FOXP1: variants seen among roughly 807,000 people sequenced by gnomAD.
The protein encoded by FOXP1 is forkhead box protein P1.
FOXP1 carries 15 observed loss-of-function variants against 98.2 expected under a neutral mutation model. The ratio of observed to expected loss-of-function variants is 0.15; its 90% CI spans 0.10 to 0.24. The LOEUF is 0.24. Among genes scored for constraint, FOXP1 ranks in the 10% least tolerant of loss-of-function variants. The pLI is 1.00. For missense variants in FOXP1, 633 were observed against 848.5 expected (o/e 0.75, Z 3.15); for synonymous variants, 371 against 314.5 (o/e 1.18, Z -1.90).
chr3:71,391,030 C>G (rs1326559990), intron 3 of FOXP1, among the ~76,000 whole-genome samples: 1 of 152,204 alleles, frequency 6.6e-6, no homozygotes, highest in Non-Finnish European at 1.5e-5. Flanking sequence ...CGCTGAACAT[C>G]ATTACTTCAA....
chr3:71,192,149 T>A (rs988037262), intron 6 of FOXP1, among the ~76,000 whole-genome samples: 5 of 152,096 alleles, frequency 3.3e-5, no homozygotes, highest in African/African-American at 1.2e-4. Context: ...CAAGAGACCC[T>A]CCTTTCAGAC....
At chr3:71,527,132 A>G (rs545804648) in intron 2 of FOXP1, among the ~76,000 whole-genome samples, 5 of 152,276 alleles carry the variant, frequency 3.3e-5, no homozygotes, top group African/African-American at 7.2e-5. Flanking sequence ...CAGGCAAGGT[A>G]TCAGCTCCTA....
chr3:70,975,913 A>T (rs1475670089), intron 17 of FOXP1, among the ~76,000 whole-genome samples: 1 of 152,114 alleles, frequency 6.6e-6, no homozygotes, highest in East Asian at 1.9e-4. Flanking sequence ...GCCATATATG[A>T]CCCCAAGCAC....
intron 3 of FOXP1, among the ~76,000 whole-genome samples, chr3:71,382,100 T>C (rs1294403067): frequency 6.6e-6 from 1 of 152,098 alleles, no homozygotes. Flanking sequence ...GGCGAGACCC[T>C]GTCTCTACAA....
chr3:71,146,279 T>C (rs1246491975), intron 6 of FOXP1, among the ~76,000 whole-genome samples: 1 of 152,196 alleles, frequency 6.6e-6, no homozygotes, highest in Non-Finnish European at 1.5e-5. Context: ...TGGCTATTTG[T>C]ATGGCAAGAT....
At chr3:71,558,463 C>T (rs1051590515) in intron 2 of FOXP1, among the ~76,000 whole-genome samples, 1 of 151,698 alleles carries the variant, frequency 6.6e-6, no homozygotes, top group Non-Finnish European at 1.5e-5. Flanking sequence ...GGAAGATTCT[C>T]GTTCTTTTTC....
At chr3:71,396,930 ATATACACATATATATATG>A (rs1389237226) in intron 3 of FOXP1, among the ~76,000 whole-genome samples, 1 of 102,916 alleles carries the variant, frequency 9.7e-6, no homozygotes, top group East Asian at 2.1e-4. Flanking sequence ...ATATATATAT[ATATACACATATATATATG>A]TGTATATATA....
At position 71,581,572 on chromosome 3, in the gene FOXP1, G is replaced by A. The variant is rs1330702682; in HGVS notation, c.-321C>T. 1 of 985,374 alleles carries A rather than the reference G, an allele frequency of 1.0e-6. No individual in the cohort carries two copies. The highest frequency in any genetic ancestry group is 1.1e-4 in the East Asian group (1 of 8,800). 61.0% of individuals were successfully genotyped at this position (985,374 alleles called of 1,614,324 possible). A position where few individuals can be genotyped will look rare whatever the true frequency, so the allele number is the denominator to read the frequency against. The stretch of plus-strand genomic sequence containing the variant: ...ACCCGCGGAGTCCGGGGAGGGAGTA[G>A]GAGCGCCGCCTTCACGCCCGCGGAG... On this transcript the variant is annotated 5_prime_UTR_variant, in exon 2 of 21. Coordinates refer to ENST00000649528, the MANE Select transcript of FOXP1 (RefSeq NM_001349338.3).
chr3:71,018,755 GGGTA>G (rs2044916112), intron 11 of FOXP1, among the ~76,000 whole-genome samples: 1 of 152,162 alleles, frequency 6.6e-6, no homozygotes, highest in Non-Finnish European at 1.5e-5. Flanking sequence ...CTCTGGGGAG[GGGTA>G]CAGGGAGTCA....
At chr3:71,302,608 G>A (rs1027992129) in intron 4 of FOXP1, 1 of 148,370 alleles carries the variant, frequency 6.7e-6, no homozygotes, top group East Asian at 2.0e-4. Context: ...TACGAATTGC[G>A]TTTTTTTTTC....
intron 3 of FOXP1, among the ~76,000 whole-genome samples, chr3:71,427,107 C>A (rs905342893): frequency 2.0e-5 from 3 of 150,434 alleles, no homozygotes; most frequent in African/African-American, 7.3e-5. Context: ...CATATAATCA[C>A]CCCAATTTAT....
At chr3:71,383,567 A>G (rs1315403752) in intron 3 of FOXP1, among the ~76,000 whole-genome samples, 1 of 152,222 alleles carries the variant, frequency 6.6e-6, no homozygotes, top group Non-Finnish European at 1.5e-5. Flanking sequence ...TAAAACCTTA[A>G]TATGTCTTTT....
chr3:70,966,025 T>C lies in FOXP1; in HGVS notation c.1754A>G (p.Tyr585Cys). 6.2e-7 allele frequency: 1 copy of C among 1,614,104 alleles called. No homozygotes were observed. The highest frequency in any genetic ancestry group is 1.1e-5 in the South Asian group (1 of 91,082). The change falls in exon 20 of 21, where the codon TAC becomes TGC. Residue 585 changes from tyrosine to cysteine, a missense_variant. Tyr to Cys is a radical substitution (Grantham distance 194). This residue lies in a region of FOXP1 where 150 missense variants were observed against 163.7 expected (regional missense o/e 0.92). Coordinates refer to ENST00000649528, the MANE Select transcript of FOXP1 (RefSeq NM_001349338.3). Reference sequence around the variant, plus strand: ...GGGATTTCCCATGGAAGCGGTAGTGTATAGAGGTATACTATTCTCAGCCAT... The same window carrying C: ...GGGATTTCCCATGGAAGCGGTAGTGCATAGAGGTATACTATTCTCAGCCAT... Reference protein sequence around the residue: ...ASMAENSIPLYTTASMGNPTL... With the variant: ...ASMAENSIPLCTTASMGNPTL...
intron 3 of FOXP1, among the ~76,000 whole-genome samples, chr3:71,413,400 G>A (rs2082952583): frequency 6.6e-6 from 1 of 151,048 alleles, no homozygotes; most frequent in African/African-American, 2.4e-5. Context: ...ATTAATGATA[G>A]AGCAGAATGG....
intron 3 of FOXP1, among the ~76,000 whole-genome samples, chr3:71,489,337 A>G (rs12107755): frequency 6.6e-6 from 1 of 152,224 alleles, no homozygotes; most frequent in Non-Finnish European, 1.5e-5. Flanking sequence ...CAAATAACAC[A>G]TAACAATGAA....
intron 2 of FOXP1, chr3:71,573,567 TG>T (rs1461736489): frequency 1.3e-5 from 2 of 152,160 alleles, no homozygotes; most frequent in Non-Finnish European, 2.9e-5. Context: ...GAAAATAAGA[TG>T]AACACATTTA....
chr3:71,547,599 G>A (rs1435086753), intron 2 of FOXP1, among the ~76,000 whole-genome samples: 1 of 152,192 alleles, frequency 6.6e-6, no homozygotes, highest in Non-Finnish European at 1.5e-5. Flanking sequence ...TTCCTTCTAT[G>A]ACATTAGAAG....
At chr3:71,281,127 G>A (rs920647693) in intron 5 of FOXP1, among the ~76,000 whole-genome samples, 10 of 151,550 alleles carry the variant, frequency 6.6e-5, no homozygotes, top group Admixed American at 3.9e-4. Flanking sequence ...TACTCAGGAG[G>A]CTGAGGTGAG....
intron 1 of FOXP1, chr3:71,582,855 G>A (rs1299519956): frequency 2.1e-6 from 2 of 963,300 alleles, no homozygotes; most frequent in Admixed American, 6.2e-5. Context: ...CTGACTCTCG[G>A]GGTAACGCGC....
Sources: gnomAD v4.1 joint callset for allele counts (sites outside exome capture counted in the v4.1 genomes callset) on GRCh38, gnomAD v4.1.1 for gene constraint, gnomAD v4.1.1 regional missense constraint, MANE v1.5 for transcripts, NCBI Gene and HGNC (gene_info 2026-07-23, HGNC 2026-07-21) for gene names.